The following ATRN variants were observed in gnomAD, a reference collection of about 807,000 sequenced individuals.
ATRN encodes attractin-2.
Under a neutral mutation model 178.7 loss-of-function variants are expected in ATRN, and 54 were observed. The observed-to-expected ratio is 0.30, with a 90% confidence interval of 0.24 to 0.38. ATRN has a LOEUF of 0.38. ATRN is among the 10% of genes least tolerant of loss of function. The pLI is 1.00. For synonymous variants in ATRN, 636 were observed against 663.0 expected (o/e 0.96, Z 0.63); for missense variants, 1,443 against 1,815.1 (o/e 0.79, Z 3.73).
intron 2 of ATRN, among the ~76,000 whole-genome samples, chr20:3,539,891 G>A (rs2146188946): frequency 6.6e-6 from 1 of 152,268 alleles, no homozygotes; most frequent in East Asian, 1.9e-4. Context: ...GCATGTTTAT[G>A]AAATGACGTA....
Position 3,591,179 on chromosome 20 carries a change from C to T in ATRN, c.3195C>T (p.Cys1065=), listed in dbSNP as rs1403639634. The T allele has an allele frequency of 2.5e-6, 4 of 1,613,880 alleles. No individual in the cohort carries two copies. Among genetic ancestry groups the T allele is most frequent in the East Asian group, 2.2e-5 (1 of 44,876 alleles). Residue 1065 remains cysteine (C), a synonymous_variant, in exon 19 of 29, where the codon TGC becomes TGT. Transcript: ENST00000262919. ...CTCTTTTTCTTGCAGCTTGCCAATG[C>T]AACGGCCACAGTAAATGCATCAATC... ...WSFIHCPACQ[C]NGHSKCINQS... is the part of the protein sequence containing the mutation.
At chr20:3,500,860 T>TA (rs981159743) in intron 1 of ATRN, among the ~76,000 whole-genome samples, 11 of 151,858 alleles carry the variant, frequency 7.2e-5, no homozygotes, top group African/African-American at 2.7e-4. Flanking sequence ...TAAAAAAATT[T>TA]AAAAAAATAA....
chr20:3,489,047 G>A (rs563856184), intron 1 of ATRN, among the ~76,000 whole-genome samples: 33 of 152,036 alleles, frequency 2.2e-4, no homozygotes, highest in Non-Finnish European at 3.5e-4. Context: ...TGCAACCTCC[G>A]CCTCCTGGGT....
intron 2 of ATRN, among the ~76,000 whole-genome samples, chr20:3,539,754 C>T (rs917018910): frequency 4.6e-5 from 7 of 151,918 alleles, no homozygotes; most frequent in Non-Finnish European, 7.4e-5. Flanking sequence ...TTCCCTCCAC[C>T]GCCCCCTCCC....
intron 1 of ATRN, among the ~76,000 whole-genome samples, chr20:3,486,981 T>G (rs2084703453): frequency 6.6e-6 from 1 of 152,150 alleles, no homozygotes; most frequent in African/African-American, 2.4e-5. Context: ...TTATTCTGTT[T>G]ACTTTCTACT....
At chr20:3,479,082 G>T (rs1206053632) in intron 1 of ATRN, among the ~76,000 whole-genome samples, 5 of 151,854 alleles carry the variant, frequency 3.3e-5, no homozygotes, top group Non-Finnish European at 7.4e-5. Flanking sequence ...GTAGAGATGA[G>T]GTCTCACTAT....
intron 1 of ATRN, chr20:3,489,479 A>C: frequency 9.9e-7 from 1 of 1,011,366 alleles, no homozygotes; most frequent in East Asian, 2.4e-5. Flanking sequence ...GAAAAAACAG[A>C]TCTCAGGGAA....
chr20:3,548,284 A>G (rs924341219), intron 5 of ATRN, among the ~76,000 whole-genome samples: 2 of 152,150 alleles, frequency 1.3e-5, no homozygotes, highest in African/African-American at 2.4e-5. Flanking sequence ...TGTGTAGAAA[A>G]TATTCAGGAA....
At chr20:3,536,356 G>T (rs2085533172) in intron 2 of ATRN, among the ~76,000 whole-genome samples, 1 of 151,994 alleles carries the variant, frequency 6.6e-6, no homozygotes, top group Non-Finnish European at 1.5e-5. Context: ...TTACAGGCAT[G>T]TGCCACCATG....
rs2087131366 is a variant in ATRN at position 3,649,558 on chromosome 20, G to A, written c.*2711G>A. On this transcript the variant is annotated 3_prime_UTR_variant, in exon 29 of 29. Transcript: ENST00000262919. Reference sequence around the variant, plus strand: ...GTATTTCTTAAAACAGGACTCATCTGTCAGAGTGCACATGAAAAATCAGGC... The same window carrying A: ...GTATTTCTTAAAACAGGACTCATCTATCAGAGTGCACATGAAAAATCAGGC... The A allele has an allele frequency of 6.6e-6, 1 of 152,224 alleles. No individual in the cohort carries two copies. 9.4% of individuals were successfully genotyped at this position (152,224 alleles called of 1,614,324 possible). A position where few individuals can be genotyped will look rare whatever the true frequency, so the allele number is the denominator to read the frequency against.
Position 3,582,317 on chromosome 20 carries a change from C to T in ATRN, c.2727C>T (p.Cys909=). ...CTCGGGGACTGAAGGCTGCAACCTG[C>T]ATCAACCCACTCAATGGTAGTGTCT... The part of the protein sequence containing the change: ...PSTRGLKAAT[C]INPLNGSVCE... Residue 909 remains cysteine, a synonymous_variant, in exon 16 of 29, where the codon TGC becomes TGT. Coordinates refer to ENST00000262919, the MANE Select transcript of ATRN (RefSeq NM_139321.3). The T allele has an allele frequency of 6.2e-7, 1 of 1,612,322 alleles. No individual in the cohort carries two copies. The highest frequency in any genetic ancestry group is 8.5e-7 in the Non-Finnish European group (1 of 1,180,012).
At position 3,533,754 on chromosome 20, in the gene ATRN, C is replaced by A. The variant is rs116871240; in HGVS notation, c.411-1499C>A. 4.5e-3 allele frequency among the ~76,000 whole-genome samples: 689 copies of A among 152,028 alleles called. 7 individuals carry two copies. Among genetic ancestry groups the A allele is most frequent in the Non-Finnish European group, 7.3e-3 (497 of 67,960 alleles). ...ACTATTTAGGTTTTTCTGACAGTTGCATTAAAGCCTAATCTTTTTTCTACA... is the reference window on the plus strand; with the variant it reads ...ACTATTTAGGTTTTTCTGACAGTTGAATTAAAGCCTAATCTTTTTTCTACA... On this transcript the variant is annotated intron_variant, in intron 1 of 28. Transcript: ENST00000262919.
intron 24 of ATRN, among the ~76,000 whole-genome samples, chr20:3,615,420 C>T (rs1361621959): frequency 8.1e-5 from 12 of 148,668 alleles, no homozygotes; most frequent in Admixed American, 8.0e-4. Flanking sequence ...CAGAGCAAGA[C>T]TCCTGTCTCC....
In ATRN at chr20:3,583,911, T is replaced by C. The variant is rs1352598036; in HGVS notation, c.2778T>C (p.Ala926=). 6.2e-7 allele frequency: 1 copy of C among 1,614,070 alleles called. No individual in the cohort carries two copies. Among genetic ancestry groups the C allele is most frequent in the Non-Finnish European group, 8.5e-7 (1 of 1,180,014 alleles). The change falls in exon 17 of 29, where the codon GCT becomes GCC. Residue 926 remains alanine (A), a synonymous_variant. Coordinates refer to ENST00000262919, the MANE Select transcript of ATRN (RefSeq NM_139321.3). ...SVCERPANHS[A]KQCRTPCALR... is the part of the protein sequence containing the mutation. ...TTTCATTCCCAGCAAACCACAGTGC[T>C]AAGCAGTGCCGGACACCATGTGCCT...
At chr20:3,474,955 C>T (rs1403141193) in intron 1 of ATRN, among the ~76,000 whole-genome samples, 1 of 150,650 alleles carries the variant, frequency 6.6e-6, no homozygotes, top group Non-Finnish European at 1.5e-5. Context: ...TTGCTTGAAC[C>T]CGGGAAGCGG....
intron 13 of ATRN, 138 bp from the exon 14 acceptor site, chr20:3,576,721 C>CTATCTATT: frequency 4.4e-6 from 3 of 678,388 alleles, no homozygotes; most frequent in Non-Finnish European, 5.0e-6. Flanking sequence ...ATCTATCTAT[C>CTATCTATT]TATCTATCTA....
chr20:3,533,543 G>A (rs912360383), intron 1 of ATRN, among the ~76,000 whole-genome samples: 2 of 152,186 alleles, frequency 1.3e-5, no homozygotes, highest in Non-Finnish European at 2.9e-5. Context: ...CCTTCCTGCT[G>A]GGTAGAATTT....
chr20:3,646,561 C>CT lies in ATRN; in HGVS notation c.4166-158dup, dbSNP rs1181216687. 2.6e-5 allele frequency among the ~76,000 whole-genome samples: 4 copies of CT among 152,278 alleles called. No individual in the cohort carries two copies. In the South Asian group the frequency reaches 6.2e-4, roughly 24 times the overall value. On this transcript the variant is annotated intron_variant, in intron 28 of 28. Transcript: ENST00000262919. ...AGGGAGGGTCAGGGTGGAAGGAAGA[C>CT]TTTTCCCTGTGTATGTGTACCTTTT...
At chr20:3,511,856 A>G (rs1002020605) in intron 1 of ATRN, among the ~76,000 whole-genome samples, 3 of 152,050 alleles carry the variant, frequency 2.0e-5, no homozygotes, top group African/African-American at 7.2e-5. Flanking sequence ...TGTTTACTAC[A>G]TGTTTAAGCA....
Sources: allele counts gnomAD v4.1 joint callset (sites outside exome capture counted in the v4.1 genomes callset), GRCh38; gene constraint gnomAD v4.1.1; transcripts MANE v1.5; gene names NCBI Gene and HGNC (gene_info 2026-07-23, HGNC 2026-07-21).